TFEC: variants seen among roughly 807,000 people sequenced by gnomAD.
The protein encoded by TFEC is class E basic helix-loop-helix protein 34.
TFEC carries 31 observed loss-of-function variants against 41.6 expected under a neutral mutation model. The observed-to-expected ratio is 0.74, with a 90% CI of 0.56 to 1.01. The LOEUF (loss-of-function observed/expected upper bound fraction) is 1.01. TFEC is among the 50% of genes least tolerant of loss of function. The pLI, the probability that TFEC is intolerant of heterozygous loss-of-function variation, is 0.00. For synonymous variants in TFEC, 143 were observed against 140.6 expected, an observed-to-expected ratio of 1.02 and a Z score of -0.12; for missense variants, 402 against 404.1, an observed-to-expected ratio of 0.99 and a Z score of 0.04.
chr7:116,043,214 A>C lies in TFEC; in HGVS notation c.199-58701T>G, dbSNP rs368704998. On this transcript the variant is annotated intron_variant, in intron 3 of 8. Transcript: ENST00000484212. ...CTAAATTTAATAGTGTATCTTATGA[A>C]CATATGTGGATATAATGATTTTCCT... is the stretch of plus-strand genomic sequence containing the variant. 8.5e-5 allele frequency among the ~76,000 whole-genome samples: 13 copies of C among 152,280 alleles called. 1 individual carries two copies. The East Asian group carries it at 1.9e-3, about 23-fold the overall frequency.
At chr7:116,045,057 A>T (rs959602212) in intron 3 of TFEC, among the ~76,000 whole-genome samples, 1 of 152,212 alleles carries the variant, frequency 6.6e-6, no homozygotes, top group Non-Finnish European at 1.5e-5. Context: ...GATACCCGAA[A>T]ATGTGGAAGC....
intron 3 of TFEC, among the ~76,000 whole-genome samples, chr7:115,965,101 C>A (rs4730701): frequency 0.85 from 128,917 of 151,482 alleles, 54,988 homozygotes; most frequent in Non-Finnish European, 0.89. Context: ...TATAGTTTTA[C>A]ATTAATTAAG....
chr7:115,988,951 ATACT>A (rs1245357517), intron 1 of TFEC, among the ~76,000 whole-genome samples: 1 of 152,192 alleles, frequency 6.6e-6, no homozygotes, highest in Non-Finnish European at 1.5e-5. Context: ...GAGGAATTAA[ATACT>A]TAAGGGATTG....
At chr7:116,070,578 T>C (rs972415411) in intron 3 of TFEC, among the ~76,000 whole-genome samples, 5 of 151,410 alleles carry the variant, frequency 3.3e-5, no homozygotes, top group Admixed American at 2.6e-4. Flanking sequence ...TATAAACACA[T>C]TGGAAATAAA....
At chr7:115,962,612 G>T (rs953702093) in intron 3 of TFEC, among the ~76,000 whole-genome samples, 1 of 151,598 alleles carries the variant, frequency 6.6e-6, no homozygotes, top group African/African-American at 2.4e-5. Context: ...TTCAACAAAT[G>T]GTGTTGGAAA....
At chr7:115,963,150 A>G (rs1230822939) in intron 3 of TFEC, among the ~76,000 whole-genome samples, 2 of 151,686 alleles carry the variant, frequency 1.3e-5, no homozygotes, top group East Asian at 1.9e-4. Flanking sequence ...TGACAACCCA[A>G]TTTTCAAAAT....
At chr7:116,009,018 T>G (rs1267708491) in intron 1 of TFEC, among the ~76,000 whole-genome samples, 1 of 152,138 alleles carries the variant, frequency 6.6e-6, no homozygotes, top group African/African-American at 2.4e-5. Flanking sequence ...TAAGCAGAGT[T>G]TTTCTAATTC....
intron 2 of TFEC, among the ~76,000 whole-genome samples, chr7:115,978,730 C>T (rs1008097734): frequency 4.6e-5 from 7 of 152,140 alleles, no homozygotes; most frequent in Non-Finnish European, 4.4e-5. Flanking sequence ...TTTTACTAGA[C>T]TCATCTGCTA....
chr7:116,137,756 C>T (rs1056344934), intron 1 of TFEC, among the ~76,000 whole-genome samples: 2 of 152,080 alleles, frequency 1.3e-5, no homozygotes, highest in Non-Finnish European at 2.9e-5. Context: ...GTTCACAAGT[C>T]ATCTTACCTT....
chr7:116,128,981 T>C (rs745802044), intron 1 of TFEC, among the ~76,000 whole-genome samples: 93 of 152,060 alleles, frequency 6.1e-4, no homozygotes, highest in Non-Finnish European at 1.0e-3. Context: ...AACAAATTAT[T>C]ATCATCAACT....
intron 1 of TFEC, among the ~76,000 whole-genome samples, chr7:115,996,515 G>A (rs966379256): frequency 1.3e-5 from 2 of 151,952 alleles, no homozygotes; most frequent in Admixed American, 6.6e-5. Context: ...GCTATGGTGG[G>A]TTTGGGGAGA....
In TFEC at chr7:115,938,238, T is replaced by C. The variant is rs968099565; in HGVS notation, c.*2313A>G. 4 of 151,892 alleles carry C rather than the reference T, an allele frequency of 2.6e-5. No homozygotes were observed. The highest frequency in any genetic ancestry group is 2.9e-5 in the Non-Finnish European group (2 of 67,886). The allele number at this position is 151,892 out of a possible 1,614,324, so 9.4% of individuals were successfully genotyped here. The stretch of plus-strand genomic sequence containing the variant: ...CATCAGTGCAAGTCTACTCAAAATA[T>C]GAAGAAATGAGAAGAGCAGATAAAA... On this transcript the variant is annotated 3_prime_UTR_variant, in exon 8 of 8. Transcript: ENST00000265440.
chr7:116,033,880 C>T (rs1156932700), upstream of TFEC, among the ~76,000 whole-genome samples: 1 of 152,128 alleles, frequency 6.6e-6, no homozygotes, highest in Non-Finnish European at 1.5e-5. Flanking sequence ...CTCAAAAGAG[C>T]TATCAATACT....
intron 6 of TFEC, among the ~76,000 whole-genome samples, chr7:115,943,278 C>G (rs1793600332): frequency 1.3e-5 from 2 of 151,820 alleles, no homozygotes; most frequent in Non-Finnish European, 2.9e-5. Flanking sequence ...GAGAGACAGT[C>G]TATCTTTGGT....
intron 3 of TFEC, among the ~76,000 whole-genome samples, chr7:116,045,515 G>T (rs895116991): frequency 6.6e-6 from 1 of 152,214 alleles, no homozygotes; most frequent in Non-Finnish European, 1.5e-5. Flanking sequence ...TTGAGCCTGC[G>T]TGTACATAGA....
chr7:116,151,366 C>T (rs1798757315), intron 1 of TFEC, among the ~76,000 whole-genome samples: 1 of 151,736 alleles, frequency 6.6e-6, no homozygotes, highest in Non-Finnish European at 1.5e-5. Flanking sequence ...CCTCAGCCTC[C>T]TGAGTAGTTG....
intron 1 of TFEC, among the ~76,000 whole-genome samples, chr7:116,005,087 T>C (rs1794738538): frequency 6.6e-6 from 1 of 152,218 alleles, no homozygotes; most frequent in African/African-American, 2.4e-5. Context: ...CATGTGAAAC[T>C]GTAAGTTGAT....
At chr7:115,946,382 TCTC>T (rs1435544223) in intron 6 of TFEC, among the ~76,000 whole-genome samples, 1 of 143,348 alleles carries the variant, frequency 7.0e-6, no homozygotes, top group East Asian at 2.1e-4. Context: ...TGCTTTAAAA[TCTC>T]AGAAACATAA....
chr7:115,955,335 C>A (rs906384508), intron 4 of TFEC, among the ~76,000 whole-genome samples: 4 of 151,998 alleles, frequency 2.6e-5, no homozygotes, highest in Admixed American at 1.3e-4. Context: ...AGTATGGTAT[C>A]CAAGGCTAGA....
Sources: allele counts gnomAD v4.1 joint callset (sites outside exome capture counted in the v4.1 genomes callset), GRCh38; gene constraint gnomAD v4.1.1; transcripts MANE v1.5; gene names NCBI Gene and HGNC (gene_info 2026-07-23, HGNC 2026-07-21).